Variants in DIP2C observed in about 807,000 individuals in gnomAD.
DIP2C encodes the protein DIP2 acetate--CoA ligase C (putative), also known as disco-interacting protein 2 homolog C.
A neutral mutation model predicts 192.4 loss-of-function variants in DIP2C; 33 were observed. The ratio of observed to expected loss-of-function variants is 0.17; its 90% CI spans 0.13 to 0.23. DIP2C has a LOEUF of 0.23. Among genes scored for constraint, DIP2C ranks in the 10% least tolerant of loss-of-function variants. DIP2C has a pLI of 1.00. For missense variants in DIP2C, 1,537 were observed against 2,110.1 expected, an observed-to-expected ratio of 0.73 and a Z score of 5.32; for synonymous variants, 979 against 864.1, an observed-to-expected ratio of 1.13 and a Z score of -2.33.
rs139663853 is a variant in DIP2C at position 636,152 on chromosome 10, T to C, written c.85+53342A>G. ...TAACTTTATCACAAGGAAAACTAGG[T>C]GGTGAACCCAGGAGGAGGAAATCCC... is the stretch of plus-strand genomic sequence containing the variant. On this transcript the variant is annotated intron_variant, in intron 1 of 36. Transcript: ENST00000280886. This position sits in a 1 kb window ranked among gnomAD's most constrained non-coding sequence, Gnocchi z 4.6. Among the ~76,000 whole-genome samples the C allele has an allele frequency of 3.4e-3, 517 of 152,216 alleles. 3 individuals carry two copies. Among genetic ancestry groups the C allele is most frequent in the African/African-American group, 0.012 (492 of 41,524 alleles).
chr10:495,556 ACTCT>A, intron 1 of DIP2C, among the ~76,000 whole-genome samples: 1 of 143,504 alleles, frequency 7.0e-6, no homozygotes. Context: ...TCTTCTAGCG[ACTCT>A]CTCAGTGAAC....
intron 1 of DIP2C, among the ~76,000 whole-genome samples, chr10:688,499 G>A (rs1044284067): frequency 6.6e-6 from 1 of 152,032 alleles, no homozygotes; most frequent in Admixed American, 6.5e-5. Flanking sequence ...TCACAAAACC[G>A]TTACCCAAAA....
chr10:676,703 T>C (rs1830889363), intron 1 of DIP2C, among the ~76,000 whole-genome samples: 1 of 152,080 alleles, frequency 6.6e-6, no homozygotes, highest in Non-Finnish European at 1.5e-5. Flanking sequence ...AGAAGAAATC[T>C]AACCAAGAGG....
In DIP2C at chr10:447,847, C is replaced by T. The variant is rs12769832; in HGVS notation, c.269-6851G>A. 1.8e-3 allele frequency among the ~76,000 whole-genome samples: 124 copies of T among 68,512 alleles called. 17 individuals are homozygous for T. Among genetic ancestry groups the T allele is most frequent in the African/African-American group, 0.011 (112 of 10,250 alleles). The allele number at this position is 68,512 out of a possible 152,430, so 44.9% of individuals were successfully genotyped here. The stretch of plus-strand genomic sequence containing the variant: ...TCGATACTCAGGATCACACACAGTG[C>T]GGCAGCAGGACCCACTCATTCCCAT... On this transcript the variant is annotated intron_variant, in intron 3 of 36. Coordinates refer to ENST00000280886, the MANE Select transcript of DIP2C (RefSeq NM_014974.3).
rs924025805 is a variant in DIP2C at position 422,832 on chromosome 10, G to C, written c.596C>G (p.Thr199Ser). ...CCGTGAAGCGTGCTCACCTATGTGG[G>C]TCTGAGCCATGACGTCCGCCAGCCT... ...AHRLADVMAQTHIENHSAPPD... is the reference protein window; with the variant it reads ...AHRLADVMAQSHIENHSAPPD... The change falls in exon 5 of 37, where the codon ACC becomes AGC. Residue 199 changes from threonine (T) to serine (S), a missense_variant. Around this residue, in one of 4 missense-constraint regions of DIP2C, gnomAD observed 473 missense variants for 539.6 expected, o/e 0.88. Transcript: ENST00000280886. 6.2e-7 allele frequency: 1 copy of C among 1,611,714 alleles called. No individual in the cohort carries two copies. The highest frequency in any genetic ancestry group is 8.5e-7 in the Non-Finnish European group (1 of 1,179,856).
chr10:334,583 G>C (rs1048245813), intron 29 of DIP2C, among the ~76,000 whole-genome samples: 2 of 152,092 alleles, frequency 1.3e-5, no homozygotes, highest in African/African-American at 4.8e-5. Flanking sequence ...TAAGATCTAT[G>C]ATCCACTTGA....
intron 3 of DIP2C, among the ~76,000 whole-genome samples, chr10:451,405 G>T (rs1564729332): frequency 6.6e-6 from 1 of 152,130 alleles, no homozygotes; most frequent in Non-Finnish European, 1.5e-5. Context: ...TAATCATGTG[G>T]TCTCTCGCAG....
chr10:603,319 AAAAAAAAAAAAAAACC>A (rs1337221850), intron 1 of DIP2C, among the ~76,000 whole-genome samples: 4 of 135,494 alleles, frequency 3.0e-5, no homozygotes, highest in East Asian at 2.4e-4. Context: ...AAAAAAAAAA[AAAAAAAAAAAAAAACC>A]AACCATGAGA....
intron 32 of DIP2C, among the ~76,000 whole-genome samples, chr10:290,942 C>A (rs919505719): frequency 2.6e-5 from 4 of 152,220 alleles, no homozygotes; most frequent in African/African-American, 9.6e-5. Flanking sequence ...TGACTTCAGA[C>A]AGGGTAAGGG....
chr10:327,254 T>A, intron 30 of DIP2C, 78 bp from the exon 31 acceptor site: 2 of 1,500,482 alleles, frequency 1.3e-6, no homozygotes, highest in East Asian at 2.4e-5. Flanking sequence ...TTCCCACAGA[T>A]CCCCACGTAA....
intron 10 of DIP2C, among the ~76,000 whole-genome samples, chr10:394,613 C>G (rs923938708): frequency 2.1e-5 from 3 of 145,424 alleles, no homozygotes; most frequent in Non-Finnish European, 4.5e-5. Context: ...GGGAAGGTGA[C>G]CGTATGCTGA....
chr10:337,341 G>GGT (rs1564575499), intron 29 of DIP2C, among the ~76,000 whole-genome samples: 1 of 74,008 alleles, frequency 1.4e-5, no homozygotes, highest in Non-Finnish European at 2.7e-5. Context: ...GGCCTAGGCA[G>GGT]GTGTGTGCGC....
chr10:368,005 T>A (rs1392821442), intron 18 of DIP2C, among the ~76,000 whole-genome samples: 25 of 3,416 alleles, frequency 7.3e-3, no homozygotes, highest in East Asian at 0.04. Context: ...TTGCTCTCAC[T>A]GCTGCACAGC....
intron 1 of DIP2C, among the ~76,000 whole-genome samples, chr10:528,406 ACTGCTCCCCCAGAACGCAGACCGCCCG>A (rs1564821212): frequency 8.2e-5 from 8 of 97,298 alleles, no homozygotes; most frequent in African/African-American, 1.4e-4. Context: ...CAGACCGCCC[ACTGCTCCCCCAGAACGCAGACCGCCCG>A]CTGCTCCCCC....
intron 4 of DIP2C, chr10:430,411 A>G (rs1203265582): frequency 6.6e-6 from 1 of 152,078 alleles, no homozygotes; most frequent in African/African-American, 2.4e-5. Context: ...GAGAGGCATA[A>G]CTCACAACAA....
chr10:484,525 G>A (rs1843853646), intron 2 of DIP2C, among the ~76,000 whole-genome samples: 1 of 152,196 alleles, frequency 6.6e-6, no homozygotes, highest in Non-Finnish European at 1.5e-5. Context: ...TCTAAGTGGT[G>A]CCCAACTGAG....
chr10:566,134 T>TA (rs1849455614), intron 1 of DIP2C, among the ~76,000 whole-genome samples: 3 of 152,384 alleles, frequency 2.0e-5, no homozygotes, highest in African/African-American at 7.2e-5. Context: ...TGCCTTATTT[T>TA]AGGACTTTAG....
intron 1 of DIP2C, among the ~76,000 whole-genome samples, chr10:518,241 A>C (rs1846488163): frequency 6.6e-6 from 1 of 152,122 alleles, no homozygotes; most frequent in Admixed American, 6.5e-5. Context: ...TGGCAACACC[A>C]CCTGCTGCCC....
At chr10:483,358 A>G (rs1041396546) in intron 2 of DIP2C, among the ~76,000 whole-genome samples, 2 of 152,266 alleles carry the variant, frequency 1.3e-5, no homozygotes, top group African/African-American at 4.8e-5. Context: ...GGGCCAACCA[A>G]GAAAGCAGCC....
Sources: allele counts gnomAD v4.1 joint callset (sites outside exome capture counted in the v4.1 genomes callset), GRCh38; gene constraint gnomAD v4.1.1; regional missense constraint gnomAD v4.1.1; non-coding constraint Gnocchi (gnomAD v3.1); transcripts MANE v1.5; gene names NCBI Gene and HGNC (gene_info 2026-07-23, HGNC 2026-07-21).